SBF2: variants seen among roughly 807,000 people sequenced by gnomAD.
SBF2 encodes myotubularin-related protein 13.
SBF2 carries 112 observed loss-of-function variants against 225.2 expected under a neutral mutation model. The ratio of observed to expected loss-of-function variants is 0.50; its 90% confidence interval spans 0.43 to 0.58. SBF2 has a LOEUF of 0.58. SBF2 is among the 20% of genes least tolerant of loss of function. The probability of loss-of-function intolerance (pLI) is 0.00; values close to 1 mark genes in which losing one functional copy is unlikely to be tolerated. For missense variants in SBF2, 1,996 were observed against 2,206.2 expected (o/e 0.90, Z 1.91); for synonymous variants, 763 against 773.3 (o/e 0.99, Z 0.22).
chr11:9,924,306 T>C (rs1049933126), intron 16 of SBF2, among the ~76,000 whole-genome samples: 4 of 152,230 alleles, frequency 2.6e-5, no homozygotes, highest in African/African-American at 9.6e-5. Context: ...TATTATAAAA[T>C]AGGCTTTGTA....
At chr11:9,976,907 C>A (rs560710596) in intron 13 of SBF2, among the ~76,000 whole-genome samples, 2 of 151,936 alleles carry the variant, frequency 1.3e-5, no homozygotes, top group South Asian at 2.1e-4. Flanking sequence ...GTAGCTGGGA[C>A]TACACGCGCC....
intron 2 of SBF2, among the ~76,000 whole-genome samples, chr11:10,154,208 C>T (rs940564164): frequency 2.0e-5 from 3 of 152,018 alleles, no homozygotes; most frequent in Non-Finnish European, 2.9e-5. Context: ...CTATCCTATA[C>T]AAAAATAATT....
chr11:9,906,171 G>C (rs1446450961), intron 16 of SBF2, among the ~76,000 whole-genome samples: 1 of 152,156 alleles, frequency 6.6e-6, no homozygotes, highest in Non-Finnish European at 1.5e-5. Context: ...GAAATGCCTT[G>C]CATGTTTCTG....
rs201578895 is a variant in SBF2 at position 9,970,233 on chromosome 11, G to GTCTT, written c.1396-1692_1396-1689dup. On this transcript the variant is annotated intron_variant, in intron 13 of 39. Coordinates refer to ENST00000256190, the MANE Select transcript of SBF2 (RefSeq NM_030962.4). ...CTATTTTTTTTTTTTTTTAGACGCA[G>GTCTT]TCTTGCTCTGTCGCCCAGGCTGGAG... Among the ~76,000 whole-genome samples, 1,418 of 149,326 alleles carry GTCTT rather than the reference G, an allele frequency of 9.5e-3. 9 individuals are homozygous for GTCTT. The highest frequency in any genetic ancestry group is 0.027 in the Middle Eastern group (8 of 294).
Position 10,173,301 on chromosome 11 carries a change from G to A in SBF2, c.141+20601C>T, listed in dbSNP as rs867113525. ...ACAGTGGGCACAGGTCAGTGGGTGC[G>A]TGCACCGTGCGCAAGCCGAAGCAGG... On this transcript the variant is annotated intron_variant, in intron 2 of 39. Transcript: ENST00000256190. 6.8e-4 allele frequency among the ~76,000 whole-genome samples: 103 copies of A among 152,264 alleles called. 1 individual carries two copies. Among genetic ancestry groups the A allele is most frequent in the Admixed American group, 2.3e-3 (35 of 15,300 alleles).
intron 2 of SBF2, among the ~76,000 whole-genome samples, chr11:10,172,584 C>T (rs1956243607): frequency 6.6e-6 from 1 of 152,130 alleles, no homozygotes. Flanking sequence ...AACTCCTGAC[C>T]TCAGGTGATC....
intron 2 of SBF2, among the ~76,000 whole-genome samples, chr11:10,143,682 G>C (rs1248005606): frequency 1.3e-5 from 2 of 151,706 alleles, no homozygotes; most frequent in African/African-American, 4.8e-5. Context: ...CAAATTTGTG[G>C]CATAAGTTTT....
chr11:9,900,211 A>G (rs1861617365), intron 16 of SBF2, among the ~76,000 whole-genome samples: 1 of 152,192 alleles, frequency 6.6e-6, no homozygotes, highest in Admixed American at 6.5e-5. Context: ...CTATGAAAGA[A>G]TTCCAACCAA....
chr11:9,897,151 C>T (rs753595596), intron 16 of SBF2, among the ~76,000 whole-genome samples: 2 of 152,022 alleles, frequency 1.3e-5, no homozygotes, highest in African/African-American at 2.4e-5. Context: ...AAACACAATG[C>T]GGTATACAAG....
chr11:10,297,984 A>G (rs1964563653), upstream of SBF2, among the ~76,000 whole-genome samples: 1 of 152,280 alleles, frequency 6.6e-6, no homozygotes, highest in South Asian at 2.1e-4. Flanking sequence ...AGAGAGAGAG[A>G]GTAAAGCAAG....
intron 2 of SBF2, among the ~76,000 whole-genome samples, chr11:10,115,111 G>C (rs1953068569): frequency 6.6e-6 from 1 of 151,994 alleles, no homozygotes; most frequent in African/African-American, 2.4e-5. Context: ...TTTTTATTTT[G>C]ATAGGAATGA....
intron 17 of SBF2, among the ~76,000 whole-genome samples, chr11:9,871,693 G>A (rs559992985): frequency 5.3e-5 from 8 of 152,012 alleles, no homozygotes; most frequent in South Asian, 4.2e-4. Context: ...GGGTTTCACC[G>A]TGTTAGCCAG....
At chr11:9,860,454 T>G (rs182797604) in intron 17 of SBF2, among the ~76,000 whole-genome samples, 1 of 151,926 alleles carries the variant, frequency 6.6e-6, no homozygotes, top group East Asian at 1.9e-4. Context: ...TAGCTTTTTT[T>G]TGTAGAAAAA....
chr11:10,095,263 G>T lies in SBF2; in HGVS notation c.142-52282C>A, dbSNP rs900442779. On this transcript the variant is annotated intron_variant, in intron 2 of 39. Coordinates refer to ENST00000256190, the MANE Select transcript of SBF2 (RefSeq NM_030962.4). ...AGGAGTACAATAATATCACCTTCAA[G>T]TTATTGTAAACATTTAAATAGTAAG... Among the ~76,000 whole-genome samples, 5 of 152,184 alleles carry T rather than the reference G, an allele frequency of 3.3e-5. No homozygotes were observed. In the South Asian group the frequency reaches 8.3e-4, roughly 25 times the overall value.
rs1205635671 is a variant in SBF2 at position 9,968,270 on chromosome 11, C to A, written c.1600+71G>T. The A allele has an allele frequency of 5.1e-6, 7 of 1,366,508 alleles. No homozygotes were observed. The East Asian group carries it at 1.4e-4, about 27-fold the overall frequency. 84.6% of individuals were successfully genotyped at this position (1,366,508 alleles called of 1,614,324 possible). On this transcript the variant is annotated intron_variant, in intron 14 of 39. Coordinates refer to ENST00000256190, the MANE Select transcript of SBF2 (RefSeq NM_030962.4). ...CACTTTGTGAAAATTCATCAAATTG[C>A]ACACTTTTCCTTTTTGGGTCTTACA...
chr11:10,123,236 C>G (rs1225551432), intron 2 of SBF2, among the ~76,000 whole-genome samples: 1 of 151,988 alleles, frequency 6.6e-6, no homozygotes, highest in Non-Finnish European at 1.5e-5. Flanking sequence ...AGGAAGAGTT[C>G]GACAAACAGA....
intron 38 of SBF2, 123 bp from the exon 39 acceptor site, chr11:9,781,761 G>T: frequency 8.9e-7 from 1 of 1,128,314 alleles, no homozygotes; most frequent in Non-Finnish European, 1.3e-6. Context: ...ATGCCTCGAA[G>T]AATACACAAA....
intron 7 of SBF2, among the ~76,000 whole-genome samples, chr11:10,001,398 A>C (rs1485379858): frequency 6.6e-6 from 1 of 152,176 alleles, no homozygotes; most frequent in Non-Finnish European, 1.5e-5. Flanking sequence ...TGATTTATCT[A>C]TACAAAACAA....
chr11:9,899,944 G>C (rs1166761371), intron 16 of SBF2, among the ~76,000 whole-genome samples: 2 of 151,602 alleles, frequency 1.3e-5, no homozygotes, highest in Non-Finnish European at 2.9e-5. Context: ...GCTAATACTA[G>C]CTCTGTAGAG....
Sources: gnomAD v4.1 joint callset for allele counts (sites outside exome capture counted in the v4.1 genomes callset) on GRCh38, gnomAD v4.1.1 for gene constraint, MANE v1.5 for transcripts, NCBI Gene and HGNC (gene_info 2026-07-23, HGNC 2026-07-21) for gene names.